CDYL2: variants seen among roughly 807,000 people sequenced by gnomAD.
CDYL2 encodes chromodomain Y like 2, also known as chromodomain Y-like protein 2.
A neutral mutation model predicts 49.4 loss-of-function variants in CDYL2; 23 were observed. The observed-to-expected ratio is 0.47, with a 90% CI of 0.34 to 0.66. The LOEUF (loss-of-function observed/expected upper bound fraction) is 0.66. Ranked by LOEUF, CDYL2 falls within the 30% of genes least tolerant of loss-of-function variation. The pLI is 0.01. For missense variants in CDYL2, 678 were observed against 656.4 expected (o/e 1.03, Z -0.36); for synonymous variants, 360 against 268.8 (o/e 1.34, Z -3.32).
chr16:80,635,150 T>G (rs1170501238), intron 2 of CDYL2, among the ~76,000 whole-genome samples: 2 of 152,192 alleles, frequency 1.3e-5, no homozygotes, highest in Admixed American at 1.3e-4. Context: ...TGGTTCAATA[T>G]TTGGAAACCA....
chr16:80,803,693 C>T (rs1167951689), intron 1 of CDYL2, among the ~76,000 whole-genome samples: 1 of 138,364 alleles, frequency 7.2e-6, no homozygotes, highest in East Asian at 2.3e-4. Flanking sequence ...CCGGCCCAGC[C>T]GGGCCGCGCA....
chr16:80,663,199 A>G (rs1292924758), intron 2 of CDYL2, among the ~76,000 whole-genome samples: 1 of 151,224 alleles, frequency 6.6e-6, no homozygotes, highest in African/African-American at 2.4e-5. Flanking sequence ...CATCTTGGGG[A>G]GCAGATACAA....
intron 1 of CDYL2, among the ~76,000 whole-genome samples, chr16:80,762,485 C>T (rs987442132): frequency 3.3e-5 from 5 of 152,202 alleles, no homozygotes; most frequent in Admixed American, 1.3e-4. Flanking sequence ...AAGGAACTCA[C>T]AATCGCCAAA....
rs556242961 is a variant in CDYL2 at position 80,639,023 on chromosome 16, AT to A, written c.617-5788del. Among the ~76,000 whole-genome samples, 598 of 152,328 alleles carry A rather than the reference AT, an allele frequency of 3.9e-3. 1 individual carries two copies. The highest frequency in any genetic ancestry group is 0.013 in the African/African-American group (536 of 41,574). ...TAATTTAAACAAAATAATTTCAATA[AT>A]TTTAAAATGGGCAAAAGATCTGAAG... On this transcript the variant is annotated intron_variant, in intron 2 of 6. Coordinates refer to ENST00000570137, the MANE Select transcript of CDYL2 (RefSeq NM_152342.4).
At chr16:80,631,230 G>A (rs1597135265) in intron 3 of CDYL2, among the ~76,000 whole-genome samples, 1 of 152,162 alleles carries the variant, frequency 6.6e-6, no homozygotes, top group African/African-American at 2.4e-5. Flanking sequence ...TCCTACATCA[G>A]AAGGGAGGTG....
chr16:80,801,889 C>A (rs1907937260), intron 1 of CDYL2, among the ~76,000 whole-genome samples: 1 of 152,150 alleles, frequency 6.6e-6, no homozygotes, highest in African/African-American at 2.4e-5. Context: ...AATGTAGACA[C>A]AGGCTATAAA....
intron 2 of CDYL2, among the ~76,000 whole-genome samples, chr16:80,680,884 C>T (rs996532271): frequency 2.6e-5 from 4 of 152,084 alleles, no homozygotes; most frequent in Non-Finnish European, 4.4e-5. Context: ...AACTGGGATA[C>T]AGCCCGTTTT....
intron 1 of CDYL2, among the ~76,000 whole-genome samples, chr16:80,756,691 C>T (rs1330893594): frequency 6.6e-6 from 1 of 152,024 alleles, no homozygotes. Flanking sequence ...TCTAATAATG[C>T]ACAGTACACA....
At chr16:80,617,293 A>G (rs969801007) in intron 4 of CDYL2, among the ~76,000 whole-genome samples, 21 of 152,360 alleles carry the variant, frequency 1.4e-4, no homozygotes, top group African/African-American at 5.0e-4. Context: ...ATGCCTGGTC[A>G]GCCCTACCAG....
intron 1 of CDYL2, among the ~76,000 whole-genome samples, chr16:80,732,940 T>A (rs1029719704): frequency 2.0e-5 from 3 of 152,086 alleles, no homozygotes; most frequent in African/African-American, 7.2e-5. Flanking sequence ...TTTTAATTAT[T>A]TTGAATTGTG....
intron 1 of CDYL2, among the ~76,000 whole-genome samples, chr16:80,745,407 G>A (rs372200045): frequency 6.6e-6 from 1 of 152,200 alleles, no homozygotes; most frequent in Admixed American, 6.5e-5. Context: ...CAGTCCAGTA[G>A]ACTGGAATCA....
intron 2 of CDYL2, among the ~76,000 whole-genome samples, chr16:80,640,205 G>C (rs548435539): frequency 5.4e-4 from 82 of 152,306 alleles, no homozygotes; most frequent in African/African-American, 1.6e-3. Flanking sequence ...ATCCAAAAGA[G>C]ATCCCTCCTT....
At chr16:80,685,227 C>A (rs1338539055) in intron 1 of CDYL2, 98 bp from the exon 2 acceptor site, 2 of 937,922 alleles carry the variant, frequency 2.1e-6, no homozygotes, top group Non-Finnish European at 3.2e-6. Context: ...GGGATAGAGG[C>A]ATCTACCCTA....
At position 80,618,532 on chromosome 16, in the gene CDYL2, C is replaced by G. The variant is rs557308402; in HGVS notation, c.1007+2231G>C. On this transcript the variant is annotated intron_variant, in intron 4 of 6. Transcript: ENST00000570137. The stretch of plus-strand genomic sequence containing the variant: ...GGGCGTGCAAAGCCACAGGAAGGAA[C>G]CATTCGGTGGGGGCTCTGGGGAAAT... Among the ~76,000 whole-genome samples the G allele has an allele frequency of 2.0e-5, 3 of 152,324 alleles. No homozygotes were observed. In the South Asian group the frequency reaches 6.2e-4, roughly 32 times the overall value.
At chr16:80,696,164 A>C (rs1323668751) in intron 1 of CDYL2, among the ~76,000 whole-genome samples, 1 of 152,232 alleles carries the variant, frequency 6.6e-6, no homozygotes, top group Non-Finnish European at 1.5e-5. Flanking sequence ...TCAGTGAAGA[A>C]ATTAAGAAGG....
chr16:80,765,129 C>A (rs1264066914), intron 1 of CDYL2, among the ~76,000 whole-genome samples: 91 of 130,772 alleles, frequency 7.0e-4, no homozygotes, highest in Non-Finnish European at 1.3e-3. Flanking sequence ...ACATATAGTA[C>A]TATATAATAT....
At chr16:80,645,640 T>C (rs1256034095) in intron 2 of CDYL2, among the ~76,000 whole-genome samples, 1 of 152,120 alleles carries the variant, frequency 6.6e-6, no homozygotes, top group Non-Finnish European at 1.5e-5. Context: ...ACTGGGTATA[T>C]ATCCAAAGGA....
At chr16:80,667,735 T>C (rs1909326803) in intron 2 of CDYL2, among the ~76,000 whole-genome samples, 1 of 152,182 alleles carries the variant, frequency 6.6e-6, no homozygotes, top group African/African-American at 2.4e-5. Context: ...GGGAAAAAAT[T>C]GAAATAACGG....
At chr16:80,737,490 C>G (rs997375753) in intron 1 of CDYL2, among the ~76,000 whole-genome samples, 1 of 152,188 alleles carries the variant, frequency 6.6e-6, no homozygotes, top group Non-Finnish European at 1.5e-5. Context: ...GCTCTTCAGC[C>G]ACTGTATTAA....
Sources: allele counts gnomAD v4.1 joint callset (sites outside exome capture counted in the v4.1 genomes callset), GRCh38; gene constraint gnomAD v4.1.1; transcripts MANE v1.5; gene names NCBI Gene and HGNC (gene_info 2026-07-23, HGNC 2026-07-21).